The following SH3BP2 variants were observed in gnomAD, a reference collection of about 807,000 sequenced individuals.
The protein encoded by SH3BP2 is SH3 domain binding protein 2.
A neutral mutation model predicts 56.2 loss-of-function variants in SH3BP2; 38 were observed. The observed-to-expected ratio is 0.68, with a 90% CI of 0.52 to 0.89. SH3BP2 has a LOEUF of 0.89. Ranked by LOEUF, SH3BP2 falls within the 40% of genes least tolerant of loss-of-function variation. The pLI, the probability that SH3BP2 is intolerant of heterozygous loss-of-function variation, is 0.00. For synonymous variants in SH3BP2, 346 were observed against 316.7 expected (o/e 1.09, Z -0.98); for missense variants, 748 against 762.6 (o/e 0.98, Z 0.23).
At chr4:2,816,718 A>G (rs560702180) in intron 1 of SH3BP2, among the ~76,000 whole-genome samples, 7 of 152,312 alleles carry the variant, frequency 4.6e-5, no homozygotes, top group Non-Finnish European at 8.8e-5. Flanking sequence ...CCTTTATTCT[A>G]TTGATATGGT....
intron 1 of SH3BP2, chr4:2,812,249 G>A: frequency 6.5e-7 from 1 of 1,531,356 alleles, no homozygotes; most frequent in African/African-American, 1.4e-5. Flanking sequence ...CAGGGAACAG[G>A]AAGTCCCGGG....
chr4:2,812,356 C>G (rs780271237), intron 1 of SH3BP2: 1 of 1,550,224 alleles, frequency 6.5e-7, no homozygotes, highest in South Asian at 1.2e-5. Flanking sequence ...CCTCACATGT[C>G]TGGGAGATGT....
chr4:2,830,828 A>C (rs1245003967), intron 8 of SH3BP2, among the ~76,000 whole-genome samples: 1 of 152,176 alleles, frequency 6.6e-6, no homozygotes, highest in Non-Finnish European at 1.5e-5. Context: ...CAGGTTTCGC[A>C]TGGGTGTGCT....
intron 1 of SH3BP2, among the ~76,000 whole-genome samples, chr4:2,804,353 T>C (rs776533869): frequency 2.0e-5 from 3 of 152,166 alleles, no homozygotes; most frequent in Non-Finnish European, 2.9e-5. Context: ...GCCCGAGTTT[T>C]CTCTAGGGTG....
chr4:2,794,042 G>A (rs1007715311), intron 1 of SH3BP2: 1 of 152,322 alleles, frequency 6.6e-6, no homozygotes, highest in African/African-American at 2.4e-5. Flanking sequence ...GGGGACAGCT[G>A]TGCCTCCTGG....
At chr4:2,798,267 A>G (rs1723124915) in intron 1 of SH3BP2, among the ~76,000 whole-genome samples, 1 of 152,174 alleles carries the variant, frequency 6.6e-6, no homozygotes, top group Admixed American at 6.5e-5. Context: ...TGCTCTTCCT[A>G]AACGTGTGTT....
rs1446761417 is a variant in SH3BP2 at position 2,840,249 on chromosome 4, A to G, written c.*6415A>G. The G allele has an allele frequency of 1.3e-5, 2 of 151,546 alleles. No homozygotes were observed. The highest frequency in any genetic ancestry group is 2.9e-5 in the Non-Finnish European group (2 of 67,886). The allele number at this position is 151,546 out of a possible 1,614,324, so 9.4% of individuals were successfully genotyped here. ...CAAAAAAAACCAAAAAAAAAAAAAA[A>G]AAAAAGAAAACCACTGAAATTATTT... On this transcript the variant is annotated 3_prime_UTR_variant, in exon 13 of 13. Transcript: ENST00000503393.
At chr4:2,828,530 G>A (rs913011280) in intron 7 of SH3BP2, among the ~76,000 whole-genome samples, 1 of 152,180 alleles carries the variant, frequency 6.6e-6, no homozygotes, top group Admixed American at 6.5e-5. Flanking sequence ...TCCATGCAGA[G>A]CTCTTGTCTC....
At chr4:2,807,711 C>T (rs1281508058) in intron 1 of SH3BP2, among the ~76,000 whole-genome samples, 4 of 152,180 alleles carry the variant, frequency 2.6e-5, no homozygotes, top group Admixed American at 2.6e-4. Context: ...GAACCAACCT[C>T]GCTGCTGCGC....
chr4:2,798,354 G>A (rs1723126789), intron 1 of SH3BP2, among the ~76,000 whole-genome samples: 1 of 152,248 alleles, frequency 6.6e-6, no homozygotes, highest in Admixed American at 6.5e-5. Flanking sequence ...CCTGAGGCAA[G>A]TCCAAGCAAA....
At chr4:2,801,800 A>G (rs527968680) in intron 1 of SH3BP2, among the ~76,000 whole-genome samples, 5 of 152,392 alleles carry the variant, frequency 3.3e-5, no homozygotes, top group African/African-American at 1.2e-4. Flanking sequence ...AAAAAAACCC[A>G]TGTTAGAAAA....
At chr4:2,803,143 G>A (rs1161410871) in intron 1 of SH3BP2, among the ~76,000 whole-genome samples, 3 of 152,196 alleles carry the variant, frequency 2.0e-5, no homozygotes, top group African/African-American at 7.2e-5. Context: ...AGGGCTCTCA[G>A]GCCACTTACT....
chr4:2,823,182 C>T (rs1490793298), intron 3 of SH3BP2, 145 bp downstream of exon 3: 9 of 691,464 alleles, frequency 1.3e-5, no homozygotes, highest in East Asian at 8.2e-5. Flanking sequence ...CTGTCCTCCC[C>T]GCCCAGCCTC....
Position 2,810,718 on chromosome 4 carries a change from C to T in SH3BP2, c.-4-9896C>T, listed in dbSNP as rs892845065. On this transcript the variant is annotated intron_variant, in intron 1 of 12. Coordinates refer to ENST00000503393, the MANE Select transcript of SH3BP2 (RefSeq NM_001122681.2). The surrounding 1 kb of genome is among the most constrained non-coding windows in gnomAD (Gnocchi z 4.2). ...CTCCTCTATCAAAGCTGGGCCCCTC[C>T]TCTGGGAGGCGTTCCCCAGTCCAGA... is the stretch of plus-strand genomic sequence containing the variant. Among the ~76,000 whole-genome samples, 17 of 152,100 alleles carry T rather than the reference C, an allele frequency of 1.1e-4. No individual in the cohort carries two copies. The highest frequency in any genetic ancestry group is 3.6e-4 in the African/African-American group (15 of 41,414).
chr4:2,803,481 G>A (rs904412345), intron 1 of SH3BP2, among the ~76,000 whole-genome samples: 21 of 152,344 alleles, frequency 1.4e-4, no homozygotes, highest in African/African-American at 5.1e-4. Flanking sequence ...GAGTCCTGTT[G>A]CTAATAAGCG....
At chr4:2,801,039 G>C (rs999561128) in intron 1 of SH3BP2, among the ~76,000 whole-genome samples, 1 of 123,626 alleles carries the variant, frequency 8.1e-6, no homozygotes, top group Non-Finnish European at 1.9e-5. Context: ...TGGGAAGGGG[G>C]CTGGACAGTT....
chr4:2,836,683 G>A lies in SH3BP2; in HGVS notation c.*2849G>A, dbSNP rs1725244293. 6.6e-6 allele frequency: 1 copy of A among 152,280 alleles called. No homozygotes were observed. The highest frequency in any genetic ancestry group is 2.1e-4 in the South Asian group (1 of 4,838). 9.4% of individuals were successfully genotyped at this position (152,280 alleles called of 1,614,324 possible). ...CCAGGGCTAGGGTTAGGGCTCTGGA[G>A]GTGCTTTCACTCAACCAAGGGGGCC... On this transcript the variant is annotated 3_prime_UTR_variant, in exon 13 of 13. Transcript: ENST00000503393.
intron 5 of SH3BP2, chr4:2,826,813 G>GT: frequency 2.4e-6 from 1 of 412,744 alleles, no homozygotes; most frequent in African/African-American, 2.0e-5. Context: ...TGCTTGTCCT[G>GT]TATCTGTGTT....
intron 1 of SH3BP2, chr4:2,814,922 G>T (rs994530520): frequency 6.6e-6 from 1 of 152,332 alleles, no homozygotes; most frequent in African/African-American, 2.4e-5. Flanking sequence ...TGGCAGGTAG[G>T]CCTGTGGAGT....
Sources: gnomAD v4.1 joint callset for allele counts (sites outside exome capture counted in the v4.1 genomes callset) on GRCh38, gnomAD v4.1.1 for gene constraint, Gnocchi (gnomAD v3.1) non-coding constraint, MANE v1.5 for transcripts, NCBI Gene and HGNC (gene_info 2026-07-23, HGNC 2026-07-21) for gene names.